The following SEMA3E variants were observed in gnomAD, a reference collection of about 807,000 sequenced individuals.
The protein encoded by SEMA3E is semaphorin 3E, also known as semaphorin-3E.
In SEMA3E, 49 loss-of-function variants were observed where a neutral mutation model predicts 93.6. The ratio of observed to expected loss-of-function variants is 0.52; its 90% confidence interval spans 0.42 to 0.66. The LOEUF (loss-of-function observed/expected upper bound fraction) is 0.66. Among genes scored for constraint, SEMA3E ranks in the 30% least tolerant of loss-of-function variants. The pLI, the probability that SEMA3E is intolerant of heterozygous loss-of-function variation, is 0.00. For synonymous variants in SEMA3E, 363 were observed against 330.7 expected (o/e 1.10, Z -1.06); for missense variants, 906 against 964.8 (o/e 0.94, Z 0.81).
intron 1 of SEMA3E, among the ~76,000 whole-genome samples, chr7:83,506,364 G>T (rs1790705766): frequency 6.6e-6 from 1 of 152,018 alleles, no homozygotes; most frequent in African/African-American, 2.4e-5. Context: ...AATAAGCCAG[G>T]CACAGGAAGT....
At chr7:83,525,674 A>T (rs992467898) in intron 1 of SEMA3E, among the ~76,000 whole-genome samples, 2 of 151,904 alleles carry the variant, frequency 1.3e-5, no homozygotes, top group Non-Finnish European at 2.9e-5. Context: ...TTAAAGTAGC[A>T]ATTTGATCTT....
At chr7:83,452,147 GTC>G (rs1562788476) in intron 4 of SEMA3E, among the ~76,000 whole-genome samples, 1 of 143,676 alleles carries the variant, frequency 7.0e-6, no homozygotes, top group Non-Finnish European at 1.6e-5. Flanking sequence ...GTGTGTGTGT[GTC>G]TGTGTGTGTG....
Position 83,469,238 on chromosome 7 carries a change from C to T in SEMA3E, c.336+5G>A. On this transcript the variant is annotated splice_donor_5th_base_variant and intron_variant, in intron 3 of 16. Coordinates refer to ENST00000643230, the MANE Select transcript of SEMA3E (RefSeq NM_012431.3). ...TTTGTTTAATTTACAATGAATCATA[C>T]TTACCGCATCTTTTCCCTTCATTAT... is the stretch of plus-strand genomic sequence containing the variant. The T allele has an allele frequency of 6.2e-7, 1 of 1,602,254 alleles. No individual in the cohort carries two copies. The highest frequency in any genetic ancestry group is 1.1e-5 in the South Asian group (1 of 90,828).
At chr7:83,606,758 A>G (rs753004584) in intron 1 of SEMA3E, among the ~76,000 whole-genome samples, 1 of 91,282 alleles carries the variant, frequency 1.1e-5, no homozygotes, top group Non-Finnish European at 2.3e-5. Flanking sequence ...AACTTAAAGT[A>G]TAATAAAAAA....
Position 83,631,147 on chromosome 7 carries a change from TA to T in SEMA3E, c.115+17280del, listed in dbSNP as rs568772558. On this transcript the variant is annotated intron_variant, in intron 1 of 16. Coordinates refer to ENST00000643230, the MANE Select transcript of SEMA3E (RefSeq NM_012431.3). Reference sequence around the variant, plus strand: ...TTTTTAAATAAAAAATTAAGACATTTAAAAAGCTTCTGTTTATTTTAGCCAT... The same window carrying T: ...TTTTTAAATAAAAAATTAAGACATTTAAAAGCTTCTGTTTATTTTAGCCAT... Among the ~76,000 whole-genome samples, 1,502 of 152,232 alleles carry T rather than the reference TA, an allele frequency of 9.9e-3. 23 individuals are homozygous for T. The highest frequency in any genetic ancestry group is 0.034 in the African/African-American group (1,427 of 41,552).
At chr7:83,490,660 A>G (rs10232451) in intron 1 of SEMA3E, among the ~76,000 whole-genome samples, 4,305 of 152,116 alleles carry the variant, frequency 0.028, 224 homozygotes, top group African/African-American at 0.098. Context: ...CAGAAAAATA[A>G]TGTTTCTACT....
intron 1 of SEMA3E, among the ~76,000 whole-genome samples, chr7:83,594,625 G>C (rs1002731683): frequency 6.6e-6 from 1 of 152,026 alleles, no homozygotes; most frequent in Admixed American, 6.6e-5. Context: ...ATATTTATTA[G>C]TACCAGATCA....
intron 5 of SEMA3E, among the ~76,000 whole-genome samples, chr7:83,417,355 T>C (rs1277731989): frequency 6.6e-6 from 1 of 152,070 alleles, no homozygotes; most frequent in African/African-American, 2.4e-5. Flanking sequence ...ACACAGATTC[T>C]CAAGAATATG....
At chr7:83,543,642 A>G (rs1246262349) in intron 1 of SEMA3E, among the ~76,000 whole-genome samples, 1 of 152,124 alleles carries the variant, frequency 6.6e-6, no homozygotes, top group African/African-American at 2.4e-5. Flanking sequence ...TTGTAACTAA[A>G]ACGGTAAAGT....
intron 1 of SEMA3E, among the ~76,000 whole-genome samples, chr7:83,635,683 A>G (rs1793868606): frequency 6.6e-6 from 1 of 152,052 alleles, no homozygotes; most frequent in Non-Finnish European, 1.5e-5. Context: ...TCTTAGTAAA[A>G]TGAAATTTTC....
chr7:83,508,325 C>T (rs1034083673), intron 1 of SEMA3E, among the ~76,000 whole-genome samples: 11 of 148,136 alleles, frequency 7.4e-5, no homozygotes, highest in Non-Finnish European at 1.0e-4. Context: ...TGCAATGGTG[C>T]GATCTCAACT....
chr7:83,367,306 G>T lies in SEMA3E; in HGVS notation c.*280C>A. On this transcript the variant is annotated 3_prime_UTR_variant, in exon 17 of 17. Transcript: ENST00000643230. Reference sequence around the variant, plus strand: ...CAAAAGTAAAATAATAATTTTCACAGAAAAGCAGCCAAGTACTGAAAATAA... The same window carrying T: ...CAAAAGTAAAATAATAATTTTCACATAAAAGCAGCCAAGTACTGAAAATAA... 3.1e-6 allele frequency: 1 copy of T among 324,346 alleles called. No individual in the cohort carries two copies. Among genetic ancestry groups the T allele is most frequent in the Non-Finnish European group, 5.6e-6 (1 of 177,320 alleles). 20.1% of individuals were successfully genotyped at this position (324,346 alleles called of 1,614,324 possible).
chr7:83,442,136 G>A (rs1789127060), intron 4 of SEMA3E, among the ~76,000 whole-genome samples: 1 of 152,148 alleles, frequency 6.6e-6, no homozygotes, highest in Admixed American at 6.6e-5. Context: ...TATTGAAGAT[G>A]TGTTAAATTC....
At chr7:83,517,526 T>C (rs1311934688) in intron 1 of SEMA3E, among the ~76,000 whole-genome samples, 1 of 152,168 alleles carries the variant, frequency 6.6e-6, no homozygotes, top group Non-Finnish European at 1.5e-5. Context: ...TGCAATGCAT[T>C]AGCTACTAGA....
At chr7:83,541,774 G>T (rs1337345616) in intron 1 of SEMA3E, among the ~76,000 whole-genome samples, 2 of 152,112 alleles carry the variant, frequency 1.3e-5, no homozygotes, top group African/African-American at 4.8e-5. Context: ...GTAAGTTCTT[G>T]AGCGTCAGAC....
At chr7:83,635,724 GA>G (rs761762725) in intron 1 of SEMA3E, among the ~76,000 whole-genome samples, 55 of 151,970 alleles carry the variant, frequency 3.6e-4, no homozygotes, top group Non-Finnish European at 7.2e-4. Context: ...CCTGGGTTGA[GA>G]AAGTCAAATA....
chr7:83,500,404 GCAGCCTGGGCGA>G, intron 1 of SEMA3E, among the ~76,000 whole-genome samples: 1 of 151,970 alleles, frequency 6.6e-6, no homozygotes, highest in African/African-American at 2.4e-5. Context: ...CCACTACACT[GCAGCCTGGGCGA>G]CAGAGCGAGA....
At chr7:83,535,534 A>G (rs1791394774) in intron 1 of SEMA3E, among the ~76,000 whole-genome samples, 1 of 152,130 alleles carries the variant, frequency 6.6e-6, no homozygotes, top group African/African-American at 2.4e-5. Flanking sequence ...TTTAGAGTCT[A>G]TTCACACTTG....
chr7:83,500,265 A>G (rs1296199008), intron 1 of SEMA3E, among the ~76,000 whole-genome samples: 1 of 152,042 alleles, frequency 6.6e-6, no homozygotes, highest in Non-Finnish European at 1.5e-5. Context: ...GTGAAACCCC[A>G]TCTCTACTAA....
Sources: gnomAD v4.1 joint callset for allele counts (sites outside exome capture counted in the v4.1 genomes callset) on GRCh38, gnomAD v4.1.1 for gene constraint, MANE v1.5 for transcripts, NCBI Gene and HGNC (gene_info 2026-07-23, HGNC 2026-07-21) for gene names.